DGCR8: variants seen among roughly 807,000 people sequenced by gnomAD.
The protein encoded by DGCR8 is DGCR8 microprocessor complex subunit, also known as microprocessor complex subunit DGCR8.
DGCR8 carries 14 observed loss-of-function variants against 78.5 expected under a neutral mutation model. That is an observed-to-expected ratio of 0.18 (90% CI 0.12 to 0.28). The LOEUF (loss-of-function observed/expected upper bound fraction) is 0.28. Among genes scored for constraint, DGCR8 ranks in the 10% least tolerant of loss-of-function variants. The pLI is 1.00. For synonymous variants in DGCR8, 399 were observed against 402.4 expected, an observed-to-expected ratio of 0.99 and a Z score of 0.10; for missense variants, 702 against 1,022.5, an observed-to-expected ratio of 0.69 and a Z score of 4.28.
chr22:20,094,520 G>C (rs1230557714), intron 8 of DGCR8, among the ~76,000 whole-genome samples, 193 bp from the exon 9 acceptor site: 1 of 152,180 alleles, frequency 6.6e-6, no homozygotes, highest in Non-Finnish European at 1.5e-5. Context: ...GAGGCTTTCT[G>C]GTAGCCTGCC....
chr22:20,095,628 C>T (rs1020322592), intron 9 of DGCR8, among the ~76,000 whole-genome samples: 15 of 152,152 alleles, frequency 9.9e-5, no homozygotes, highest in African/African-American at 3.6e-4. Flanking sequence ...AGTTTTGGCA[C>T]CAGAGATCAG....
In DGCR8 at chr22:20,109,009, T is replaced by TGC; in HGVS notation, c.2238+7_2238+8dup. 6.7e-7 allele frequency: 1 copy of TGC among 1,497,476 alleles called. No individual in the cohort carries two copies. The highest frequency in any genetic ancestry group is 9.3e-7 in the Non-Finnish European group (1 of 1,074,558). The allele number at this position is 1,497,476 out of a possible 1,614,324, so 92.8% of individuals were successfully genotyped here. A position where few individuals can be genotyped will look rare whatever the true frequency, so the allele number is the denominator to read the frequency against. ...AGAGGCTAGCTGAGGAAAGGGTGAGTGCCACCCTAGCGGGAGGGCTGCCGG... is the reference window on the plus strand; with the variant it reads ...AGAGGCTAGCTGAGGAAAGGGTGAGTGCGCCACCCTAGCGGGAGGGCTGCCGG... On this transcript the variant is annotated splice_region_variant and intron_variant, in intron 13 of 13. Transcript: ENST00000351989.
chr22:20,082,051 C>CTTTTT (rs113585822), intron 1 of DGCR8, among the ~76,000 whole-genome samples: 8 of 140,556 alleles, frequency 5.7e-5, no homozygotes, highest in African/African-American at 7.9e-5. Flanking sequence ...TTCTTTCTTT[C>CTTTTT]TTTTTTTTTT....
Position 20,080,278 on chromosome 22 carries a change from C to T in DGCR8, c.-383C>T, listed in dbSNP as rs1465511893. On this transcript the variant is annotated 5_prime_UTR_variant, in exon 1 of 14. Transcript: ENST00000351989. ...GGCGCGGCAGGCGGGTGCCGGCGAC[C>T]GGAGAGCCTGGACAGGCTTTCCAGA... 2 of 980,660 alleles carry T rather than the reference C, an allele frequency of 2.0e-6. No homozygotes were observed. Among genetic ancestry groups the T allele is most frequent in the Admixed American group, 6.3e-5 (1 of 15,868 alleles). The allele number at this position is 980,660 out of a possible 1,614,324, so 60.7% of individuals were successfully genotyped here.
intron 1 of DGCR8, among the ~76,000 whole-genome samples, chr22:20,084,129 T>C (rs1558495): frequency 6.6e-6 from 1 of 152,124 alleles, no homozygotes; most frequent in Non-Finnish European, 1.5e-5. Flanking sequence ...AGATGGCCAG[T>C]GGATAGTTGT....
At chr22:20,101,052 T>C (rs1309429866) in intron 9 of DGCR8, 2 of 378,414 alleles carry the variant, frequency 5.3e-6, no homozygotes, top group Non-Finnish European at 7.3e-6. Flanking sequence ...CTGACACATT[T>C]GATTTCTCCG....
intron 1 of DGCR8, among the ~76,000 whole-genome samples, chr22:20,082,756 C>T (rs1436387215): frequency 6.6e-6 from 1 of 152,230 alleles, no homozygotes; most frequent in Non-Finnish European, 1.5e-5. Context: ...AGCTCCATCA[C>T]TTCCTGGCTG....
At chr22:20,104,402 C>T (rs181349255) in intron 9 of DGCR8, among the ~76,000 whole-genome samples, 6 of 152,244 alleles carry the variant, frequency 3.9e-5, no homozygotes, top group East Asian at 3.9e-4. Flanking sequence ...CTCCTGACCT[C>T]GTGATCCACC....
Position 20,094,915 on chromosome 22 carries a change from G to A in DGCR8, c.1788+120G>A, listed in dbSNP as rs962379739. 1.4e-5 allele frequency: 11 copies of A among 774,586 alleles called. No individual in the cohort carries two copies. The African/African-American group carries it at 1.9e-4, about 13-fold the overall frequency. The allele number at this position is 774,586 out of a possible 1,614,324, so 48.0% of individuals were successfully genotyped here. A position where few individuals can be genotyped will look rare whatever the true frequency, so the allele number is the denominator to read the frequency against. On this transcript the variant is annotated intron_variant, in intron 9 of 13. Transcript: ENST00000351989. ...CATGCCTTCCATGCCCTGTAGGTTA[G>A]TCTCATCCAGCCTCCAGGTTCTTCT... is the stretch of plus-strand genomic sequence containing the variant.
Position 20,086,146 on chromosome 22 carries a change from C to T in DGCR8, c.183C>T (p.Leu61=), listed in dbSNP as rs567813359. The stretch of plus-strand genomic sequence containing the variant: ...CTGGTGGTGATGGACAGTCCGAACT[C>T]CCTGCTGAGGACCCCTTCAACTTCT... ...VGSGGDGQSE[L]PAEDPFNFYG... is the part of the protein sequence containing the mutation. Residue 61 remains leucine, a synonymous_variant, in exon 2 of 14, where the codon CTC becomes CTT. Transcript: ENST00000351989. This position sits in a 1 kb window ranked among gnomAD's most constrained non-coding sequence, Gnocchi z 6.4. 1 of 1,614,122 alleles carries T rather than the reference C, an allele frequency of 6.2e-7. No homozygotes were observed. Among genetic ancestry groups the T allele is most frequent in the African/African-American group, 1.3e-5 (1 of 75,036 alleles).
chr22:20,092,412 C>A (rs1396481524), intron 7 of DGCR8, among the ~76,000 whole-genome samples: 2 of 152,196 alleles, frequency 1.3e-5, no homozygotes, highest in Non-Finnish European at 2.9e-5. Context: ...CTGTCTTCCC[C>A]TTGGAAGCTG....
intron 1 of DGCR8, among the ~76,000 whole-genome samples, chr22:20,083,143 C>T (rs1349090087): frequency 6.6e-6 from 1 of 152,334 alleles, no homozygotes; most frequent in East Asian, 1.9e-4. Flanking sequence ...CTGGCTCACT[C>T]CTGCCTTCAC....
chr22:20,104,793 CCTTCCT>C (rs1394633062), intron 9 of DGCR8, among the ~76,000 whole-genome samples: 8 of 152,234 alleles, frequency 5.3e-5, no homozygotes, highest in Non-Finnish European at 1.2e-4. Context: ...AGGGCTAGTG[CCTTCCT>C]CTTCTATGCA....
At position 20,086,426 on chromosome 22, in the gene DGCR8, G is replaced by C. The variant is rs747733681; in HGVS notation, c.463G>C (p.Val155Leu). 6.2e-7 allele frequency: 1 copy of C among 1,614,036 alleles called. No homozygotes were observed. Among genetic ancestry groups the C allele is most frequent in the Non-Finnish European group, 8.5e-7 (1 of 1,180,028 alleles). Residue 155 changes from valine (V) to leucine (L), a missense_variant, in exon 2 of 14, where the codon GTC becomes CTC. By Grantham distance (32) the Val-to-Leu change is conservative. Coordinates refer to ENST00000351989, the MANE Select transcript of DGCR8 (RefSeq NM_022720.7). The surrounding 1 kb of genome is among the most constrained non-coding windows in gnomAD (Gnocchi z 6.4). ...RAECGLLLSP[V>L]SGDVHACPFG... Reference sequence around the variant, plus strand: ...GGAGTGCGGTCTGCTCCTTAGCCCTGTCAGTGGGGACGTGCATGCTTGTCC... The same window carrying C: ...GGAGTGCGGTCTGCTCCTTAGCCCTCTCAGTGGGGACGTGCATGCTTGTCC...
chr22:20,082,885 C>G (rs2049434063), intron 1 of DGCR8, among the ~76,000 whole-genome samples: 1 of 137,718 alleles, frequency 7.3e-6, no homozygotes, highest in Non-Finnish European at 1.7e-5. Context: ...CCACTGCTAT[C>G]CTGGAATCAG....
At chr22:20,099,032 T>C (rs886119221) in intron 9 of DGCR8, among the ~76,000 whole-genome samples, 41 of 152,224 alleles carry the variant, frequency 2.7e-4, no homozygotes, top group African/African-American at 8.7e-4. Flanking sequence ...CTCCTGATGC[T>C]TGGACAGGGA....
In DGCR8 at chr22:20,086,784, A is replaced by C. The variant is rs995949266; in HGVS notation, c.720+101A>C. 5.7e-5 allele frequency: 79 copies of C among 1,377,984 alleles called. No homozygotes were observed. The highest frequency in any genetic ancestry group is 7.4e-5 in the Non-Finnish European group (76 of 1,026,594). The allele number at this position is 1,377,984 out of a possible 1,614,324, so 85.4% of individuals were successfully genotyped here. ...AAAGCAGGGAAATTAAAAAAAAAAA[A>C]AACAAAAACCAAAATCCCCTCTGAG... On this transcript the variant is annotated intron_variant, in intron 2 of 13. Coordinates refer to ENST00000351989, the MANE Select transcript of DGCR8 (RefSeq NM_022720.7). The surrounding 1 kb of genome is among the most constrained non-coding windows in gnomAD (Gnocchi z 6.4).
At position 20,090,834 on chromosome 22, in the gene DGCR8, A is replaced by G. The variant is rs1602482781; in HGVS notation, c.1306+576A>G. 3.3e-5 allele frequency among the ~76,000 whole-genome samples: 5 copies of G among 152,322 alleles called. No individual in the cohort carries two copies. The South Asian group carries it at 1.0e-3, about 32-fold the overall frequency. ...GAACCCACCTGCTGGATTACTTTCAAAGAGCACTTTCCATTTTCTAGGTTT... is the reference window on the plus strand; with the variant it reads ...GAACCCACCTGCTGGATTACTTTCAGAGAGCACTTTCCATTTTCTAGGTTT... On this transcript the variant is annotated intron_variant, in intron 5 of 13. Coordinates refer to ENST00000351989, the MANE Select transcript of DGCR8 (RefSeq NM_022720.7).
intron 9 of DGCR8, among the ~76,000 whole-genome samples, chr22:20,103,799 A>G (rs1406060787): frequency 6.6e-6 from 1 of 152,238 alleles, no homozygotes; most frequent in African/African-American, 2.4e-5. Context: ...TGTATGAACT[A>G]CTAACTATAA....
Sources: allele counts gnomAD v4.1 joint callset (sites outside exome capture counted in the v4.1 genomes callset), GRCh38; gene constraint gnomAD v4.1.1; non-coding constraint Gnocchi (gnomAD v3.1); transcripts MANE v1.5; gene names NCBI Gene and HGNC (gene_info 2026-07-23, HGNC 2026-07-21).